Variants in PARVA observed in about 807,000 individuals in gnomAD.
PARVA encodes alpha-parvin.
Under a neutral mutation model 52.6 loss-of-function variants are expected in PARVA, and 25 were observed. The observed-to-expected ratio is 0.48, with a 90% CI of 0.35 to 0.66. The LOEUF (loss-of-function observed/expected upper bound fraction) is 0.66. PARVA is among the 30% of genes least tolerant of loss of function. The pLI is 0.01. For synonymous variants in PARVA, 185 were observed against 179.1 expected (o/e 1.03, Z -0.26); for missense variants, 373 against 450.9 (o/e 0.83, Z 1.56).
At chr11:12,477,757 T>A (rs1272405097) in intron 3 of PARVA, 90 bp from the exon 4 acceptor site, 2 of 731,540 alleles carry the variant, frequency 2.7e-6, no homozygotes, top group Non-Finnish European at 4.8e-6. Flanking sequence ...ATTTGGATTT[T>A]AATTGTTTAG....
rs1941131852 is a variant in PARVA, at chr11:12,484,506, TGTGTGTGTG to T, written c.400+6558_400+6566del. Among the ~76,000 whole-genome samples the T allele has an allele frequency of 7.0e-4, 3 of 4,290 alleles. No individual in the cohort carries two copies. The Admixed American group carries it at 0.033, about 47-fold the overall frequency. 2.8% of individuals were successfully genotyped at this position (4,290 alleles called of 152,430 possible). On this transcript the variant is annotated intron_variant, in intron 4 of 12. Transcript: ENST00000334956. ...CTGCAGGAGGGTGGTTTTGTTTTGG[TGTGTGTGTG>T]TGTGTGTGTGTGTGTGTGTGTGTGT...
chr11:12,513,884 C>T, intron 9 of PARVA, 113 bp from the exon 10 acceptor site: 1 of 939,086 alleles, frequency 1.1e-6, no homozygotes. Context: ...CTTGGCTGGG[C>T]CTGATCCTCT....
At chr11:12,513,920 C>G in intron 9 of PARVA, 77 bp from the exon 10 acceptor site, 1 of 1,341,084 alleles carries the variant, frequency 7.5e-7, no homozygotes, top group South Asian at 1.2e-5. Context: ...CTTGCCCTCA[C>G]GGGAGTCACG....
rs868992 is a variant in PARVA, at chr11:12,459,804, A to T, written c.137-13941A>T. ...GAAAATATAACATGTAACAGAGTTT[A>T]AGCAGTAGGATTATTTTCTCTTTTT... On this transcript the variant is annotated intron_variant, in intron 1 of 12. Transcript: ENST00000334956. Among the ~76,000 whole-genome samples the T allele has an allele frequency of 2.0e-3, 306 of 152,370 alleles. 1 individual carries two copies. The highest frequency in any genetic ancestry group is 7.0e-3 in the African/African-American group (292 of 41,592).
At chr11:12,481,123 T>C (rs1421498485) in intron 4 of PARVA, among the ~76,000 whole-genome samples, 1 of 152,188 alleles carries the variant, frequency 6.6e-6, no homozygotes, top group East Asian at 1.9e-4. Flanking sequence ...GTAAATATCC[T>C]GTTTCTCCTT....
At chr11:12,378,613 A>G (rs10831806) in intron 1 of PARVA, among the ~76,000 whole-genome samples, 145,848 of 145,854 alleles carry the variant, frequency 1, 72,921 homozygotes, top group Non-Finnish European at 1. Flanking sequence ...TTTGCATGTA[A>G]AATATTTTTT....
chr11:12,425,477 C>T (rs999277607), intron 1 of PARVA, among the ~76,000 whole-genome samples: 2 of 152,166 alleles, frequency 1.3e-5, no homozygotes, highest in Non-Finnish European at 2.9e-5. Flanking sequence ...TCCTCATTGC[C>T]TCTTCCCAAC....
intron 12 of PARVA, among the ~76,000 whole-genome samples, chr11:12,526,213 T>C (rs1318250702): frequency 6.7e-6 from 1 of 150,012 alleles, no homozygotes; most frequent in Non-Finnish European, 1.5e-5. Flanking sequence ...CCAAAAGCTA[T>C]TGAAATAAAA....
At chr11:12,476,321 A>G (rs1163020701) in intron 3 of PARVA, among the ~76,000 whole-genome samples, 1 of 151,460 alleles carries the variant, frequency 6.6e-6, no homozygotes, top group African/African-American at 2.4e-5. Flanking sequence ...TTTCTGGTCA[A>G]CTCCTAGTTT....
At chr11:12,510,758 T>C (rs988759528) in intron 7 of PARVA, among the ~76,000 whole-genome samples, 1 of 152,154 alleles carries the variant, frequency 6.6e-6, no homozygotes, top group African/African-American at 2.4e-5. Flanking sequence ...GAGAATAGTA[T>C]GGGAAAGACC....
intron 1 of PARVA, among the ~76,000 whole-genome samples, chr11:12,394,072 A>C (rs140513044): frequency 2.0e-3 from 300 of 152,324 alleles, no homozygotes; most frequent in African/African-American, 6.7e-3. Context: ...TTTCACACTT[A>C]CTATTTTATT....
intron 1 of PARVA, among the ~76,000 whole-genome samples, chr11:12,411,023 C>G (rs1939985678): frequency 1.3e-5 from 2 of 152,114 alleles, no homozygotes; most frequent in Admixed American, 1.3e-4. Flanking sequence ...TTGTGGAGAT[C>G]AAGTATGGTA....
intron 4 of PARVA, among the ~76,000 whole-genome samples, chr11:12,482,670 C>T (rs1293943415): frequency 1.3e-5 from 2 of 151,764 alleles, no homozygotes; most frequent in Admixed American, 1.3e-4. Flanking sequence ...CACGGTTCCA[C>T]ATGGCTGGTG....
chr11:12,466,629 CCAACTCA>C (rs1940857756), intron 1 of PARVA, among the ~76,000 whole-genome samples: 1 of 152,002 alleles, frequency 6.6e-6, no homozygotes, highest in Admixed American at 6.6e-5. Context: ...TTAATAAAGC[CCAACTCA>C]CCAAGTTTTC....
intron 1 of PARVA, among the ~76,000 whole-genome samples, chr11:12,406,709 T>G (rs1344446723): frequency 2.1e-5 from 3 of 145,258 alleles, no homozygotes; most frequent in African/African-American, 7.9e-5. Flanking sequence ...CTTGCTCTGT[T>G]GCCCAGGCTG....
At chr11:12,402,752 A>C (rs1939847661) in intron 1 of PARVA, among the ~76,000 whole-genome samples, 1 of 152,114 alleles carries the variant, frequency 6.6e-6, no homozygotes, top group Non-Finnish European at 1.5e-5. Context: ...TGACATGTAC[A>C]TTCTGCTTTG....
intron 1 of PARVA, among the ~76,000 whole-genome samples, chr11:12,427,578 A>T (rs1219044843): frequency 6.6e-6 from 1 of 152,196 alleles, no homozygotes; most frequent in African/African-American, 2.4e-5. Context: ...AATCTTCTTT[A>T]GAAATGTTTT....
intron 7 of PARVA, 43 bp from the exon 8 acceptor site, chr11:12,511,471 A>G: frequency 6.2e-7 from 1 of 1,604,824 alleles, no homozygotes; most frequent in Non-Finnish European, 8.5e-7. Flanking sequence ...CTTATAAGGG[A>G]CAAGAGAAGA....
At chr11:12,484,751 GGA>G (rs1482773085) in intron 4 of PARVA, among the ~76,000 whole-genome samples, 1 of 151,550 alleles carries the variant, frequency 6.6e-6, no homozygotes. Context: ...AGATCAAGTA[GGA>G]GTTTGGGAAA....
Sources: gnomAD v4.1 joint callset for allele counts (sites outside exome capture counted in the v4.1 genomes callset) on GRCh38, gnomAD v4.1.1 for gene constraint, MANE v1.5 for transcripts, NCBI Gene and HGNC (gene_info 2026-07-23, HGNC 2026-07-21) for gene names.